The following RPF1 variants were observed in gnomAD, a reference collection of about 807,000 sequenced individuals.
RPF1 encodes the protein ribosome production factor 1 homolog.
RPF1 carries 34 observed loss-of-function variants against 41.9 expected under a neutral mutation model. The observed-to-expected ratio is 0.81, with a 90% CI of 0.62 to 1.08. The LOEUF is 1.08. Ranked by LOEUF, RPF1 falls within the 50% of genes least tolerant of loss-of-function variation. The probability of loss-of-function intolerance (pLI) is 0.00; values close to 1 mark genes in which losing one functional copy is unlikely to be tolerated. For missense variants in RPF1, 425 were observed against 435.2 expected (o/e 0.98, Z 0.21); for synonymous variants, 140 against 148.9 (o/e 0.94, Z 0.43).
intron 1 of RPF1, among the ~76,000 whole-genome samples, chr1:84,479,914 T>C (rs983716204): frequency 1.3e-5 from 2 of 152,208 alleles, no homozygotes; most frequent in African/African-American, 4.8e-5. Flanking sequence ...AAATACTGCT[T>C]CTCTGATTCC....
At chr1:84,496,440 A>G (rs1376306288) in intron 8 of RPF1, 70 bp downstream of exon 8, 7 of 1,372,794 alleles carry the variant, frequency 5.1e-6, no homozygotes, top group Non-Finnish European at 6.0e-6. Context: ...GAGGAGAGAG[A>G]GCATCAGGAA....
rs1681632678 is a variant in RPF1 at position 84,480,852 on chromosome 1, C to T, written c.229-104C>T. 6.2e-6 allele frequency: 4 copies of T among 644,326 alleles called. No homozygotes were observed. In the South Asian group the frequency reaches 8.2e-5, roughly 13 times the overall value. The allele number at this position is 644,326 out of a possible 1,614,324, so 39.9% of individuals were successfully genotyped here. ...TTATTTCAATAGATTACAAAGACCG[C>T]CCAGTTCGAGTATTCATAGCATTAG... is the stretch of plus-strand genomic sequence containing the variant. On this transcript the variant is annotated intron_variant, in intron 1 of 8. Coordinates refer to ENST00000370654, the MANE Select transcript of RPF1 (RefSeq NM_025065.7).
At chr1:84,479,891 C>G (rs975716462) in intron 1 of RPF1, among the ~76,000 whole-genome samples, 1 of 152,172 alleles carries the variant, frequency 6.6e-6, no homozygotes. Context: ...GGAGGCAATA[C>G]GTAATAAATC....
Position 84,492,407 on chromosome 1 carries a change from C to T in RPF1, c.616+1935C>T, listed in dbSNP as rs537649463. Among the ~76,000 whole-genome samples, 7 of 152,298 alleles carry T rather than the reference C, an allele frequency of 4.6e-5. No homozygotes were observed. In the South Asian group the frequency reaches 1.4e-3, roughly 32 times the overall value. On this transcript the variant is annotated intron_variant, in intron 5 of 8. Transcript: ENST00000370654. ...TTATTCTAAAATAGAATTTCATCAG[C>T]TGTCTAAACTGTAGAAACCTAGTAG...
chr1:84,496,082 T>C lies in RPF1; in HGVS notation c.881+19T>C, dbSNP rs1340058054. 6.4e-7 allele frequency: 1 copy of C among 1,562,428 alleles called. No homozygotes were observed. Among genetic ancestry groups the C allele is most frequent in the Non-Finnish European group, 8.7e-7 (1 of 1,149,476 alleles). Reference sequence around the variant, plus strand: ...TTCACAGGTGAGGAAGGTAAACTCATTGAACTTTGATTTCAATTATGAAAT... The same window carrying C: ...TTCACAGGTGAGGAAGGTAAACTCACTGAACTTTGATTTCAATTATGAAAT... On this transcript the variant is annotated intron_variant, in intron 7 of 8. Transcript: ENST00000370654.
intron 6 of RPF1, 24 bp from the exon 7 acceptor site, chr1:84,495,858 A>G: frequency 6.8e-7 from 1 of 1,468,016 alleles, no homozygotes; most frequent in Non-Finnish European, 9.3e-7. Context: ...CCATTGTGAT[A>G]TTTATTTTTC....
Position 84,496,171 on chromosome 1 carries a change from T to C in RPF1, c.882-73T>C. 3 of 1,497,142 alleles carry C rather than the reference T, an allele frequency of 2.0e-6. No individual in the cohort carries two copies. In the South Asian group the frequency reaches 3.7e-5, roughly 18 times the overall value. 92.7% of individuals were successfully genotyped at this position (1,497,142 alleles called of 1,614,324 possible). A position where few individuals can be genotyped will look rare whatever the true frequency, so the allele number is the denominator to read the frequency against. On this transcript the variant is annotated intron_variant, in intron 7 of 8. Coordinates refer to ENST00000370654, the MANE Select transcript of RPF1 (RefSeq NM_025065.7). ...CAAGTATCATACAAGATAAAATGAA[T>C]TATCTTTTGAACCCTGTCATAATGT...
Position 84,498,126 on chromosome 1 carries a change from TA to T in RPF1, c.*657del, listed in dbSNP as rs1027348965. Among the ~76,000 whole-genome samples the T allele has an allele frequency of 9.2e-5, 14 of 152,146 alleles. No homozygotes were observed. Among genetic ancestry groups the T allele is most frequent in the African/African-American group, 3.4e-4 (14 of 41,418 alleles). On this transcript the variant is annotated 3_prime_UTR_variant, in exon 9 of 9. Coordinates refer to ENST00000370654, the MANE Select transcript of RPF1 (RefSeq NM_025065.7). ...TAAGTAACTCATGGATGGAAACCCG[TA>T]GAACTTAACAGCCTCCTCCTGACCT...
At chr1:84,497,387 T>C (rs1330659404) in intron 8 of RPF1, 42 bp from the exon 9 acceptor site, 1 of 1,524,632 alleles carries the variant, frequency 6.6e-7, no homozygotes, top group Admixed American at 1.7e-5. Context: ...ATTATATTTT[T>C]GTTTTGTTTT....
At chr1:84,495,562 T>C (rs989466518) in intron 6 of RPF1, 107 bp downstream of exon 6, 7 of 623,094 alleles carry the variant, frequency 1.1e-5, no homozygotes, top group Non-Finnish European at 1.6e-5. Flanking sequence ...ATGGCATTTG[T>C]TCTCCTGATT....
chr1:84,484,755 G>A (rs75681666), intron 3 of RPF1, among the ~76,000 whole-genome samples: 2 of 142,338 alleles, frequency 1.4e-5, no homozygotes, highest in Non-Finnish European at 3.1e-5. Flanking sequence ...GCATGATCTC[G>A]GCTCACTGCA....
rs766622034 is a variant in RPF1 at position 84,496,014 on chromosome 1, G to GTTGCCACATTCCACAATCAACGGGA, written c.835_859dup (p.Tyr287CysfsTer22). 6.2e-7 allele frequency: 1 copy of GTTGCCACATTCCACAATCAACGGGA among 1,612,974 alleles called. No homozygotes were observed. The highest frequency in any genetic ancestry group is 8.5e-7 in the Non-Finnish European group (1 of 1,179,100). Reference sequence around the variant, plus strand: ...TAATCCTCAATTTATCGGAAGGCAGGTTGCCACATTCCACAATCAACGGGA... The same window carrying GTTGCCACATTCCACAATCAACGGGA: ...TAATCCTCAATTTATCGGAAGGCAGGTTGCCACATTCCACAATCAACGGGATTGCCACATTCCACAATCAACGGGA... On this transcript the variant is annotated frameshift_variant, in exon 7 of 9. Coordinates refer to ENST00000370654, the MANE Select transcript of RPF1 (RefSeq NM_025065.7). LOFTEE classifies it high-confidence loss of function.
Position 84,479,520 on chromosome 1 carries a change from G to A in RPF1, c.228+11G>A. 2 of 1,612,406 alleles carry A rather than the reference G, an allele frequency of 1.2e-6. No individual in the cohort carries two copies. Among genetic ancestry groups the A allele is most frequent in the South Asian group, 2.2e-5 (2 of 90,992 alleles). On this transcript the variant is annotated intron_variant, in intron 1 of 8. Transcript: ENST00000370654. ...CAGCAGCAGCGGAAGGTACGCGAGA[G>A]GCGGGGGCTGCCGGGCGCTTGCGCG...
At chr1:84,488,270 A>G (rs906388650) in intron 3 of RPF1, among the ~76,000 whole-genome samples, 5 of 152,116 alleles carry the variant, frequency 3.3e-5, no homozygotes, top group African/African-American at 7.2e-5. Flanking sequence ...AAATAGTGAA[A>G]TGTATTTCAT....
rs900164963 is a variant in RPF1, at chr1:84,498,124, C to T, written c.*654C>T. 1.3e-5 allele frequency among the ~76,000 whole-genome samples: 2 copies of T among 152,058 alleles called. No homozygotes were observed. Among genetic ancestry groups the T allele is most frequent in the African/African-American group, 2.4e-5 (1 of 41,370 alleles). ...TATAAGTAACTCATGGATGGAAACC[C>T]GTAGAACTTAACAGCCTCCTCCTGA... On this transcript the variant is annotated 3_prime_UTR_variant, in exon 9 of 9. Transcript: ENST00000370654.
Position 84,497,433 on chromosome 1 carries a change from G to A in RPF1, c.1013G>A (p.Arg338Gln), listed in dbSNP as rs375039494. The A allele has an allele frequency of 1.2e-4, 192 of 1,609,500 alleles. No homozygotes were observed. Among genetic ancestry groups the A allele is most frequent in the Middle Eastern group, 8.3e-4 (5 of 6,050 alleles). ...TCCCTTGCTTTCCACTTTCAGCCCC[G>A]GGAAATGGATACAAGTAGAAGAAAA... is the stretch of plus-strand genomic sequence containing the variant. ...YGEYEWVHKPREMDTSRRKFH... is the reference protein window; with the variant it reads ...YGEYEWVHKPQEMDTSRRKFH... The change falls in exon 9 of 9, where the codon CGG becomes CAG. Residue 338 changes from arginine (R) to glutamine (Q), a missense_variant. Coordinates refer to ENST00000370654, the MANE Select transcript of RPF1 (RefSeq NM_025065.7).
chr1:84,483,650 C>T (rs1466736144), intron 3 of RPF1, among the ~76,000 whole-genome samples: 1 of 152,132 alleles, frequency 6.6e-6, no homozygotes, highest in Non-Finnish European at 1.5e-5. Flanking sequence ...ACATTTGATG[C>T]TATTTTTTGT....
In RPF1 at chr1:84,498,050, T is replaced by G. The variant is rs1257209598; in HGVS notation, c.*580T>G. On this transcript the variant is annotated 3_prime_UTR_variant, in exon 9 of 9. Transcript: ENST00000370654. ...TTGTGGGGAGCTCTTTTTTACCTCA[T>G]TACATGGTGCTGTAGTACTCCATTC... Among the ~76,000 whole-genome samples, 1 of 152,212 alleles carries G rather than the reference T, an allele frequency of 6.6e-6. No homozygotes were observed. The highest frequency in any genetic ancestry group is 1.9e-4 in the East Asian group (1 of 5,198).
intron 8 of RPF1, among the ~76,000 whole-genome samples, chr1:84,496,619 T>C (rs928354620): frequency 7.3e-5 from 11 of 150,104 alleles, no homozygotes; most frequent in Non-Finnish European, 1.2e-4. Context: ...TAACCTTGGC[T>C]CATCTGAAGT....
Sources: gnomAD v4.1 joint callset for allele counts (sites outside exome capture counted in the v4.1 genomes callset) on GRCh38, gnomAD v4.1.1 for gene constraint, MANE v1.5 for transcripts, NCBI Gene and HGNC (gene_info 2026-07-23, HGNC 2026-07-21) for gene names.